Variants in PLXNB2 observed in about 807,000 individuals in gnomAD.
PLXNB2 encodes the protein plexin B2, also known as plexin-B2.
PLXNB2 carries 85 observed loss-of-function variants against 202.6 expected under a neutral mutation model. The ratio of observed to expected loss-of-function variants is 0.42; its 90% CI spans 0.35 to 0.50. The LOEUF (loss-of-function observed/expected upper bound fraction) is 0.50. Ranked by LOEUF, PLXNB2 falls within the 20% of genes least tolerant of loss-of-function variation. The pLI is 0.02. For missense variants in PLXNB2, 2,063 were observed against 2,586.2 expected, an observed-to-expected ratio of 0.80 and a Z score of 4.39; for synonymous variants, 1,239 against 1,137.6, an observed-to-expected ratio of 1.09 and a Z score of -1.79.
intron 25 of PLXNB2, 108 bp downstream of exon 25, chr22:50,280,381 C>G: frequency 9.2e-7 from 1 of 1,092,756 alleles, no homozygotes; most frequent in Non-Finnish European, 1.3e-6. Context: ...TGGCTGGCAC[C>G]TGCCGGCTCC....
Position 50,288,643 on chromosome 22 carries a change from C to T in PLXNB2, c.1380+100G>A. On this transcript the variant is annotated intron_variant, in intron 5 of 36. Transcript: ENST00000359337. This position sits in a 1 kb window ranked among gnomAD's most constrained non-coding sequence, Gnocchi z 5.0. Reference sequence around the variant, plus strand: ...AGGAGAAGGGCCCAGCTCTGCAGCACCCCATCCTCCTCTGGCCCCCAGGCC... The same window carrying T: ...AGGAGAAGGGCCCAGCTCTGCAGCATCCCATCCTCCTCTGGCCCCCAGGCC... 1.3e-6 allele frequency: 2 copies of T among 1,510,516 alleles called. No homozygotes were observed. Among genetic ancestry groups the T allele is most frequent in the Non-Finnish European group, 1.8e-6 (2 of 1,119,802 alleles). 93.6% of individuals were successfully genotyped at this position (1,510,516 alleles called of 1,614,324 possible). A position where few individuals can be genotyped will look rare whatever the true frequency, so the allele number is the denominator to read the frequency against.
chr22:50,279,816 T>C (rs1012888690), intron 26 of PLXNB2, 40 bp from the exon 27 acceptor site: 4 of 1,611,312 alleles, frequency 2.5e-6, no homozygotes, highest in Non-Finnish European at 8.5e-7. Flanking sequence ...GTCAGGGGAC[T>C]TGGGGCCTGG....
rs1257598855 is a variant in PLXNB2, at chr22:50,283,400, A to G, written c.2616T>C (p.Gly872=). The G allele has an allele frequency of 1.9e-6, 3 of 1,612,586 alleles. No homozygotes were observed. The Admixed American group carries it at 5.0e-5, about 27-fold the overall frequency. Residue 872 remains glycine (G), a synonymous_variant, in exon 16 of 37, where the codon GGT becomes GGC. Coordinates refer to ENST00000359337, the MANE Select transcript of PLXNB2 (RefSeq NM_012401.4). ...IEAAETPFTG[G]VEVDVFGKLG... ...GTTTCCCGAAGACGTCCACCTCGAC[A>G]CCCCCCGTGAAAGGCGTCTCCGCAG... is the stretch of plus-strand genomic sequence containing the variant.
rs555166258 is a variant in PLXNB2 at position 50,306,281 on chromosome 22, C to G, written c.-74+1272G>C. On this transcript the variant is annotated intron_variant, in intron 1 of 36. Transcript: ENST00000359337. ...CCCCCATAGGTACCGTGGGAGGACT[C>G]AGATGTGCCAGGCCCACCTGCTTGC... is the stretch of plus-strand genomic sequence containing the variant. Among the ~76,000 whole-genome samples the G allele has an allele frequency of 3.9e-4, 59 of 152,332 alleles. 1 individual carries two copies. Among genetic ancestry groups the G allele is most frequent in the African/African-American group, 1.1e-3 (45 of 41,574 alleles).
rs373424311 is a variant in PLXNB2 at position 50,295,058 on chromosome 22, C to A, written c.-73-280G>T. Among the ~76,000 whole-genome samples, 76 of 152,282 alleles carry A rather than the reference C, an allele frequency of 5.0e-4. 1 individual carries two copies. In the East Asian group the frequency reaches 8.9e-3, roughly 18 times the overall value. On this transcript the variant is annotated intron_variant, in intron 1 of 36. Coordinates refer to ENST00000359337, the MANE Select transcript of PLXNB2 (RefSeq NM_012401.4). ...TTCTGAGGCCGGGTGCGGTGGCTCC[C>A]GCCTGTAATCCCAGCACTTTGGGAG...
Position 50,278,245 on chromosome 22 carries a change from G to A in PLXNB2, c.4759C>T (p.Arg1587Trp), listed in dbSNP as rs762362721. Residue 1587 changes from arginine (R) to tryptophan (W), a missense_variant, in exon 31 of 37, where the codon CGG (arginine) becomes TGG (tryptophan). By Grantham distance (101) the Arg-to-Trp change is moderately radical (BLOSUM62 -3). This residue lies in a region of PLXNB2 where 760 missense variants were observed against 1,109.4 expected (regional missense o/e 0.69). Transcript: ENST00000359337. ...GTCGGCCGCACCAGGTGCCACACCCGGTTCTCCTCCTCCAGGAGGGCATGG... is the reference window on the plus strand; with the variant it reads ...GTCGGCCGCACCAGGTGCCACACCCAGTTCTCCTCCTCCAGGAGGGCATGG... Reference protein sequence around the residue: ...ERHALLEEENRVWHLVRPTDE... With the variant: ...ERHALLEEENWVWHLVRPTDE... 16 of 1,610,800 alleles carry A rather than the reference G, an allele frequency of 9.9e-6. No homozygotes were observed. The highest frequency in any genetic ancestry group is 1.1e-5 in the Non-Finnish European group (13 of 1,179,920).
chr22:50,282,734 G>T lies in PLXNB2; in HGVS notation c.2964C>A (p.Phe988Leu). 1.3e-6 allele frequency: 2 copies of T among 1,589,772 alleles called. No homozygotes were observed. Among genetic ancestry groups the T allele is most frequent in the Admixed American group, 3.6e-5 (2 of 55,894 alleles). Residue 988 changes from phenylalanine (F) to leucine (L), a missense_variant, in exon 18 of 37, where the codon TTC becomes TTA. Transcript: ENST00000359337. ...TYRENPVLRA[F>L]EPLRSFASGG... The stretch of plus-strand genomic sequence containing the variant: ...ACCTGGCAAAGCTTCGTAGCGGCTC[G>T]AAGGCTCGCAGTACGGGGTTTTCGC...
Position 50,284,537 on chromosome 22 carries a change from G to A in PLXNB2, c.2181+36C>T. The A allele has an allele frequency of 2.6e-6, 4 of 1,527,904 alleles. No individual in the cohort carries two copies. Among genetic ancestry groups the A allele is most frequent in the Non-Finnish European group, 3.6e-6 (4 of 1,110,302 alleles). 94.6% of individuals were successfully genotyped at this position (1,527,904 alleles called of 1,614,324 possible). A position where few individuals can be genotyped will look rare whatever the true frequency, so the allele number is the denominator to read the frequency against. ...CCCCCACCCCACCCGGGGCCCTGGGGTCCAGCAGCCGAGCCGGCCTGCCCT... is the reference window on the plus strand; with the variant it reads ...CCCCCACCCCACCCGGGGCCCTGGGATCCAGCAGCCGAGCCGGCCTGCCCT... On this transcript the variant is annotated intron_variant, in intron 12 of 36. Coordinates refer to ENST00000359337, the MANE Select transcript of PLXNB2 (RefSeq NM_012401.4). This position sits in a 1 kb window ranked among gnomAD's most constrained non-coding sequence, Gnocchi z 8.0.
At chr22:50,287,482 G>A (rs747116068) in intron 7 of PLXNB2, among the ~76,000 whole-genome samples, 185 bp downstream of exon 7, 1 of 152,052 alleles carries the variant, frequency 6.6e-6, no homozygotes, top group African/African-American at 2.4e-5. Flanking sequence ...ACCCCTGCCC[G>A]CCCAGGTCAT....
chr22:50,285,060 G>A, intron 11 of PLXNB2: 1 of 396,390 alleles, frequency 2.5e-6, no homozygotes, highest in Non-Finnish European at 4.9e-6. Flanking sequence ...CTGCCTCCTG[G>A]CCTCTGTCCC....
intron 2 of PLXNB2, among the ~76,000 whole-genome samples, chr22:50,293,565 C>G (rs1363742954): frequency 6.6e-6 from 1 of 152,246 alleles, no homozygotes; most frequent in Non-Finnish European, 1.5e-5. Context: ...GCAGAGGCAG[C>G]CTCAGCCAGG....
chr22:50,289,531 C>A lies in PLXNB2; in HGVS notation c.1054G>T (p.Gly352Cys), dbSNP rs760534896. 1.2e-6 allele frequency: 2 copies of A among 1,610,360 alleles called. No individual in the cohort carries two copies. Among genetic ancestry groups the A allele is most frequent in the Non-Finnish European group, 1.7e-6 (2 of 1,178,730 alleles). The change falls in exon 3 of 37, where the codon GGC (glycine) becomes TGC (cysteine). Residue 352 changes from glycine (G) to cysteine (C), a missense_variant. Transcript: ENST00000359337. The surrounding 1 kb of genome is among the most constrained non-coding windows in gnomAD (Gnocchi z 8.0). ...YKPFHGDIQC[G>C]GHAPGSSKSF... ...GAGGCCCATACCGGCGCGTGGCCGC[C>A]GCACTGGATATCGCCGTGGAAGGGC... is the stretch of plus-strand genomic sequence containing the variant.
At chr22:50,305,023 C>G (rs1022492789) in intron 1 of PLXNB2, among the ~76,000 whole-genome samples, 1 of 152,232 alleles carries the variant, frequency 6.6e-6, no homozygotes, top group East Asian at 1.9e-4. Context: ...ACTCCCAGCT[C>G]AGGGGAAGGC....
In PLXNB2 at chr22:50,280,949, T is replaced by C; in HGVS notation, c.3788A>G (p.Gln1263Arg). ...FTDLMIEMED[Q>R]TNDVHEAGIP... The stretch of plus-strand genomic sequence containing the variant: ...GCCGGCCTCGTGCACGTCGTTGGTC[T>C]GGTCCTCCATCTCGATCATCAGGTC... The change falls in exon 24 of 37, where the codon CAG becomes CGG. Residue 1263 changes from glutamine (Q) to arginine (R), a missense_variant. Transcript: ENST00000359337. The C allele has an allele frequency of 6.2e-7, 1 of 1,613,336 alleles. No homozygotes were observed. The highest frequency in any genetic ancestry group is 1.1e-5 in the South Asian group (1 of 91,082).
At chr22:50,306,858 C>T (rs1184565126) in intron 1 of PLXNB2, among the ~76,000 whole-genome samples, 1 of 152,244 alleles carries the variant, frequency 6.6e-6, no homozygotes, top group Non-Finnish European at 1.5e-5. Flanking sequence ...GCTCTGAGAC[C>T]CCCAGATGAC....
At chr22:50,306,234 A>G (rs1472949491) in intron 1 of PLXNB2, among the ~76,000 whole-genome samples, 1 of 151,706 alleles carries the variant, frequency 6.6e-6, no homozygotes, top group Non-Finnish European at 1.5e-5. Flanking sequence ...GGCCTCCCAG[A>G]CCCCCCGGGA....
Position 50,289,628 on chromosome 22 carries a change from C to T in PLXNB2, c.957G>A (p.Val319=), listed in dbSNP as rs752059779. The T allele has an allele frequency of 6.8e-6, 11 of 1,609,880 alleles. No individual in the cohort carries two copies. Residue 319 remains valine (V), a synonymous_variant, in exon 3 of 37, where the codon GTG becomes GTA. Transcript: ENST00000359337. This position sits in a 1 kb window ranked among gnomAD's most constrained non-coding sequence, Gnocchi z 8.0. ...AGLCLFPLDK[V]HAKMEANRNA... ...TGCGGTTGGCCTCCATCTTGGCGTG[C>T]ACCTTGTCCAGCGGGAACAGGCAGA...
In PLXNB2 at chr22:50,275,504, T is replaced by C. The variant is rs1385376151; in HGVS notation, c.*200A>G. ...AGGGAGCTGGGGCTGGGGCTGGTGCTGGTGCGGTGCCCGGCGGTATTGCTC... is the reference window on the plus strand; with the variant it reads ...AGGGAGCTGGGGCTGGGGCTGGTGCCGGTGCGGTGCCCGGCGGTATTGCTC... On this transcript the variant is annotated 3_prime_UTR_variant, in exon 37 of 37. Coordinates refer to ENST00000359337, the MANE Select transcript of PLXNB2 (RefSeq NM_012401.4). The C allele has an allele frequency of 1.5e-6, 1 of 671,312 alleles. No homozygotes were observed. The highest frequency in any genetic ancestry group is 2.7e-6 in the Non-Finnish European group (1 of 364,316). The allele number at this position is 671,312 out of a possible 1,614,324, so 41.6% of individuals were successfully genotyped here. A position where few individuals can be genotyped will look rare whatever the true frequency, so the allele number is the denominator to read the frequency against.
intron 35 of PLXNB2, 139 bp downstream of exon 35, chr22:50,276,490 C>T (rs1182532413): frequency 9.7e-6 from 7 of 720,730 alleles, no homozygotes; most frequent in African/African-American, 3.5e-5. Flanking sequence ...TTCACATGGC[C>T]GAGCCCACCT....
Sources: gnomAD v4.1 joint callset for allele counts (sites outside exome capture counted in the v4.1 genomes callset) on GRCh38, gnomAD v4.1.1 for gene constraint, gnomAD v4.1.1 regional missense constraint, Gnocchi (gnomAD v3.1) non-coding constraint, MANE v1.5 for transcripts, NCBI Gene and HGNC (gene_info 2026-07-23, HGNC 2026-07-21) for gene names.